The following CTNNA3 variants were observed in gnomAD, a reference collection of about 807,000 sequenced individuals.
CTNNA3 encodes catenin alpha-3.
Under a neutral mutation model 95.7 loss-of-function variants are expected in CTNNA3, and 76 were observed. The observed-to-expected ratio is 0.79, with a 90% CI of 0.66 to 0.96. The LOEUF (loss-of-function observed/expected upper bound fraction) is 0.96, where lower values mean the gene tolerates loss of function less well. CTNNA3 is among the 40% of genes least tolerant of loss of function. The pLI is 0.00. For synonymous variants in CTNNA3, 431 were observed against 374.4 expected, an observed-to-expected ratio of 1.15 and a Z score of -1.74; for missense variants, 1,191 against 1,089.8, an observed-to-expected ratio of 1.09 and a Z score of -1.31.
intron 5 of CTNNA3, among the ~76,000 whole-genome samples, chr10:67,449,901 C>G (rs1846904207): frequency 6.6e-6 from 1 of 151,834 alleles, no homozygotes; most frequent in African/African-American, 2.4e-5. Flanking sequence ...TGCAAACTAA[C>G]AAAGGTCTGA....
At chr10:66,319,809 T>C (rs1409894999) in intron 12 of CTNNA3, among the ~76,000 whole-genome samples, 1 of 152,154 alleles carries the variant, frequency 6.6e-6, no homozygotes, top group Non-Finnish European at 1.5e-5. Flanking sequence ...CTTTCACTTC[T>C]TACTCCCACT....
chr10:67,191,058 T>C (rs771202757), intron 6 of CTNNA3, among the ~76,000 whole-genome samples: 7 of 152,070 alleles, frequency 4.6e-5, no homozygotes, highest in Non-Finnish European at 1.0e-4. Flanking sequence ...TCTATTAGAA[T>C]GGCCAAATTC....
intron 7 of CTNNA3, among the ~76,000 whole-genome samples, chr10:66,809,312 G>T (rs1841783624): frequency 6.6e-6 from 1 of 152,040 alleles, no homozygotes; most frequent in African/African-American, 2.4e-5. Flanking sequence ...TTTATTTCCA[G>T]TTACTTAATT....
intron 13 of CTNNA3, among the ~76,000 whole-genome samples, chr10:66,130,877 A>AAAAG (rs2083062740): frequency 1.0e-4 from 15 of 150,638 alleles, no homozygotes; most frequent in Admixed American, 1.3e-4. Context: ...AAAAAAAAAA[A>AAAAG]AAAGAAAGAA....
intron 7 of CTNNA3, among the ~76,000 whole-genome samples, chr10:66,851,868 A>C (rs1282124033): frequency 2.0e-5 from 3 of 152,100 alleles, no homozygotes; most frequent in Admixed American, 6.6e-5. Flanking sequence ...GTACTAATAC[A>C]CCAATTAATG....
intron 13 of CTNNA3, among the ~76,000 whole-genome samples, chr10:66,170,671 G>T (rs1057176844): frequency 6.6e-6 from 1 of 151,192 alleles, no homozygotes; most frequent in African/African-American, 2.4e-5. Context: ...GCATATAAAA[G>T]GCTTAGTCTA....
At chr10:66,664,361 A>C (rs1201721876) in intron 9 of CTNNA3, among the ~76,000 whole-genome samples, 2 of 151,908 alleles carry the variant, frequency 1.3e-5, no homozygotes, top group African/African-American at 2.4e-5. Flanking sequence ...GAAGACCCTA[A>C]ATTTACCAAC....
At chr10:67,641,202 G>A (rs1484799661) in intron 2 of CTNNA3, among the ~76,000 whole-genome samples, 1 of 152,132 alleles carries the variant, frequency 6.6e-6, no homozygotes, top group African/African-American at 2.4e-5. Flanking sequence ...CAAAGGATAT[G>A]AACAGACACT....
chr10:66,207,318 CAT>C lies in CTNNA3; in HGVS notation c.1884+73150_1884+73151del, dbSNP rs1491403479. Among the ~76,000 whole-genome samples, 9 of 151,978 alleles carry C rather than the reference CAT, an allele frequency of 5.9e-5. No homozygotes were observed. In the East Asian group the frequency reaches 7.7e-4, roughly 13 times the overall value. On this transcript the variant is annotated intron_variant, in intron 13 of 17. Transcript: ENST00000433211. ...ATCTATCATATTTTATAAAACAAAA[CAT>C]GTGTCTAGGTCCGTCATAGAAGAGA... is the stretch of plus-strand genomic sequence containing the variant.
chr10:67,746,852 CTA>C (rs1166862315), intron 1 of CTNNA3, among the ~76,000 whole-genome samples: 1 of 152,184 alleles, frequency 6.6e-6, no homozygotes, highest in Non-Finnish European at 1.5e-5. Flanking sequence ...CCTAAAATGA[CTA>C]AACTCTGGGG....
Position 67,036,554 on chromosome 10 carries a change from G to C in CTNNA3, c.1047+143763C>G, listed in dbSNP as rs182711105. 5.7e-3 allele frequency among the ~76,000 whole-genome samples: 864 copies of C among 152,070 alleles called. 26 individuals carry two copies. The highest frequency in any genetic ancestry group is 0.046 in the Admixed American group (707 of 15,258). Reference sequence around the variant, plus strand: ...TGGCAGCTTTTTAAAAAAATTTTTGGTAGAGACAAGGTCTCCATGTTGCCC... The same window carrying C: ...TGGCAGCTTTTTAAAAAAATTTTTGCTAGAGACAAGGTCTCCATGTTGCCC... On this transcript the variant is annotated intron_variant, in intron 7 of 17. Transcript: ENST00000433211.
At chr10:66,302,229 T>G (rs531411852) in intron 12 of CTNNA3, among the ~76,000 whole-genome samples, 1 of 152,016 alleles carries the variant, frequency 6.6e-6, no homozygotes, top group Non-Finnish European at 1.5e-5. Context: ...ATGGTCTAGA[T>G]GTCAGTCTTT....
chr10:66,257,837 G>C (rs924137747), intron 13 of CTNNA3, among the ~76,000 whole-genome samples: 1 of 152,158 alleles, frequency 6.6e-6, no homozygotes, highest in African/African-American at 2.4e-5. Flanking sequence ...TAATGAAGCT[G>C]TTATTCTGAT....
chr10:67,360,273 G>C (rs912816905), intron 5 of CTNNA3, among the ~76,000 whole-genome samples: 1 of 151,984 alleles, frequency 6.6e-6, no homozygotes, highest in Non-Finnish European at 1.5e-5. Flanking sequence ...AGAGCCCACA[G>C]ACCCTATAAA....
At chr10:67,611,831 C>T (rs1843470718) in intron 2 of CTNNA3, among the ~76,000 whole-genome samples, 1 of 152,138 alleles carries the variant, frequency 6.6e-6, no homozygotes, top group Non-Finnish European at 1.5e-5. Context: ...TACTTTTGCT[C>T]CCTTGAGTTA....
rs990972846 is a variant in CTNNA3 at position 67,019,831 on chromosome 10, G to A, written c.1047+160486C>T. Among the ~76,000 whole-genome samples the A allele has an allele frequency of 5.9e-5, 9 of 152,058 alleles. No individual in the cohort carries two copies. In the South Asian group the frequency reaches 1.0e-3, roughly 18 times the overall value. On this transcript the variant is annotated intron_variant, in intron 7 of 17. Coordinates refer to ENST00000433211, the MANE Select transcript of CTNNA3 (RefSeq NM_013266.4). Reference sequence around the variant, plus strand: ...CTTTAAGTTCAAATTCTAAGCGTCCGTTTATGAACAAATCTGTTCCTCTTC... The same window carrying A: ...CTTTAAGTTCAAATTCTAAGCGTCCATTTATGAACAAATCTGTTCCTCTTC...
intron 7 of CTNNA3, among the ~76,000 whole-genome samples, chr10:67,060,423 T>C (rs1370561258): frequency 6.6e-6 from 1 of 152,234 alleles, no homozygotes; most frequent in Non-Finnish European, 1.5e-5. Context: ...AGCACTTTCA[T>C]GAAATTTTAA....
chr10:66,514,369 G>A (rs1331559993), intron 11 of CTNNA3, among the ~76,000 whole-genome samples: 1 of 151,352 alleles, frequency 6.6e-6, no homozygotes, highest in East Asian at 1.9e-4. Context: ...CGTAGTAGCA[G>A]TGAATATGGG....
At chr10:67,165,634 T>A (rs971655807) in intron 7 of CTNNA3, among the ~76,000 whole-genome samples, 2 of 152,238 alleles carry the variant, frequency 1.3e-5, no homozygotes, top group Admixed American at 1.3e-4. Context: ...TTTGAATCTA[T>A]AATTATTTCA....
Sources: gnomAD v4.1 joint callset for allele counts (sites outside exome capture counted in the v4.1 genomes callset) on GRCh38, gnomAD v4.1.1 for gene constraint, MANE v1.5 for transcripts, NCBI Gene and HGNC (gene_info 2026-07-23, HGNC 2026-07-21) for gene names.